The following CNTNAP5 variants were observed in gnomAD, a reference collection of about 807,000 sequenced individuals.
CNTNAP5 encodes contactin associated protein family member 5, also known as contactin-associated protein-like 5.
Under a neutral mutation model 150.2 loss-of-function variants are expected in CNTNAP5, and 72 were observed. That is an observed-to-expected ratio of 0.48 (90% CI 0.40 to 0.58). The LOEUF is 0.58. Ranked by LOEUF, CNTNAP5 falls within the 20% of genes least tolerant of loss-of-function variation. The pLI is 0.00. For synonymous variants in CNTNAP5, 672 were observed against 619.8 expected (o/e 1.08, Z -1.25); for missense variants, 1,636 against 1,626.2 (o/e 1.01, Z -0.10).
chr2:124,568,099 G>A (rs1339810144), intron 11 of CNTNAP5, among the ~76,000 whole-genome samples: 3 of 152,138 alleles, frequency 2.0e-5, no homozygotes, highest in African/African-American at 4.8e-5. Flanking sequence ...CTTCAAACAA[G>A]CAAGGCATTT....
chr2:124,625,737 T>C (rs117670224), intron 12 of CNTNAP5, among the ~76,000 whole-genome samples: 1 of 152,284 alleles, frequency 6.6e-6, no homozygotes, highest in East Asian at 1.9e-4. Flanking sequence ...CATCAGGGGA[T>C]TGGGAGACAG....
In CNTNAP5 at chr2:124,914,094, G is replaced by T. The variant is rs779885863; in HGVS notation, c.3730G>T (p.Val1244Leu). The T allele has an allele frequency of 3.1e-6, 5 of 1,609,390 alleles. No homozygotes were observed. Among genetic ancestry groups the T allele is most frequent in the African/African-American group, 1.3e-5 (1 of 74,672 alleles). ...VRSDSAVIGGVIAVVIFIIFC... is the reference protein window; with the variant it reads ...VRSDSAVIGGLIAVVIFIIFC... The stretch of plus-strand genomic sequence containing the variant: ...CTTTCCTTCCCCTTTCTCTCCAGGG[G>T]TGATAGCAGTGGTGATATTCATCAT... The change falls in exon 24 of 24, where the codon GTG (valine) becomes TTG (leucine). Residue 1244 changes from valine (V) to leucine (L), a missense_variant and splice_region_variant. Physicochemically the swap from Val to Leu is conservative, Grantham distance 32. Coordinates refer to ENST00000682447, the MANE Select transcript of CNTNAP5 (RefSeq NM_001367498.1).
At chr2:124,266,990 G>A (rs1158637234) in intron 3 of CNTNAP5, among the ~76,000 whole-genome samples, 1 of 143,046 alleles carries the variant, frequency 7.0e-6, no homozygotes, top group African/African-American at 2.5e-5. Flanking sequence ...TTTTTACAAT[G>A]CTGGGAAGGC....
intron 1 of CNTNAP5, among the ~76,000 whole-genome samples, chr2:124,076,358 G>T (rs1235492987): frequency 6.6e-6 from 1 of 152,112 alleles, no homozygotes; most frequent in African/African-American, 2.4e-5. Flanking sequence ...TGTTTCTCAA[G>T]AATCAATTTA....
At chr2:124,146,883 T>G (rs549368869) in intron 1 of CNTNAP5, among the ~76,000 whole-genome samples, 1 of 152,198 alleles carries the variant, frequency 6.6e-6, no homozygotes, top group Non-Finnish European at 1.5e-5. Flanking sequence ...TCAGCTTCTC[T>G]TATGGCCAGA....
At chr2:124,388,246 T>C (rs751621605) in intron 3 of CNTNAP5, among the ~76,000 whole-genome samples, 2 of 152,160 alleles carry the variant, frequency 1.3e-5, no homozygotes, top group Non-Finnish European at 2.9e-5. Flanking sequence ...CAAGGTGCTG[T>C]CAGATGGTGG....
At chr2:124,590,647 G>A (rs1363485661) in intron 11 of CNTNAP5, among the ~76,000 whole-genome samples, 3 of 152,216 alleles carry the variant, frequency 2.0e-5, no homozygotes, top group South Asian at 2.1e-4. Context: ...ATTGATGTCC[G>A]TAGGCTGTGC....
intron 13 of CNTNAP5, among the ~76,000 whole-genome samples, chr2:124,668,197 A>G (rs1459805312): frequency 6.6e-6 from 1 of 152,158 alleles, no homozygotes; most frequent in Non-Finnish European, 1.5e-5. Flanking sequence ...TCCATCTGTT[A>G]AAGCATGCTG....
intron 1 of CNTNAP5, among the ~76,000 whole-genome samples, chr2:124,150,444 T>G (rs1358581314): frequency 6.6e-6 from 1 of 152,186 alleles, no homozygotes; most frequent in Non-Finnish European, 1.5e-5. Flanking sequence ...TTAGAGATAT[T>G]GGATAATGGA....
chr2:124,802,111 T>C (rs1010724161), intron 19 of CNTNAP5, among the ~76,000 whole-genome samples: 1 of 152,168 alleles, frequency 6.6e-6, no homozygotes, highest in Non-Finnish European at 1.5e-5. Flanking sequence ...AAATCAAGTA[T>C]CCGCCTCCAG....
intron 3 of CNTNAP5, among the ~76,000 whole-genome samples, chr2:124,276,896 T>TTAAGAGAGGAGAA (rs1687895977): frequency 6.6e-6 from 1 of 152,064 alleles, no homozygotes; most frequent in East Asian, 1.9e-4. Context: ...TTTGGCAGGA[T>TTAAGAGAGGAGAA]TAAGAGAGGA....
At chr2:124,329,769 T>C (rs1689303687) in intron 3 of CNTNAP5, among the ~76,000 whole-genome samples, 1 of 152,194 alleles carries the variant, frequency 6.6e-6, no homozygotes, top group African/African-American at 2.4e-5. Flanking sequence ...CCATTAAAGT[T>C]AAGCCTCTAT....
At chr2:124,512,555 C>T (rs1209902443) in intron 8 of CNTNAP5, among the ~76,000 whole-genome samples, 1 of 152,084 alleles carries the variant, frequency 6.6e-6, no homozygotes, top group African/African-American at 2.4e-5. Flanking sequence ...GAAAAAGTGT[C>T]TATAGTCAAG....
intron 1 of CNTNAP5, among the ~76,000 whole-genome samples, chr2:124,041,317 A>G (rs887669070): frequency 5.3e-5 from 8 of 152,196 alleles, no homozygotes; most frequent in Non-Finnish European, 1.5e-5. Context: ...TTTGTGGTTC[A>G]TCAGGAAATG....
intron 10 of CNTNAP5, among the ~76,000 whole-genome samples, chr2:124,546,376 G>GTA (rs1238061451): frequency 6.6e-6 from 1 of 151,938 alleles, no homozygotes; most frequent in African/African-American, 2.4e-5. Context: ...GTGTGTGTGT[G>GTA]TGTGTGTGCA....
At chr2:124,876,879 C>T (rs554656568) in intron 21 of CNTNAP5, among the ~76,000 whole-genome samples, 2 of 152,090 alleles carry the variant, frequency 1.3e-5, no homozygotes, top group African/African-American at 2.4e-5. Context: ...TCTAATTTGA[C>T]CTTCCGCATC....
At chr2:124,806,915 CTT>C (rs34184441) in intron 19 of CNTNAP5, among the ~76,000 whole-genome samples, 11 of 144,092 alleles carry the variant, frequency 7.6e-5, no homozygotes, top group Admixed American at 1.4e-4. Flanking sequence ...CTTTATTTTA[CTT>C]TTTTTTTTTT....
chr2:124,432,834 C>G (rs914827081), intron 4 of CNTNAP5, among the ~76,000 whole-genome samples: 4 of 152,140 alleles, frequency 2.6e-5, no homozygotes, highest in African/African-American at 9.7e-5. Context: ...AGGTAGAGTG[C>G]CAACCAATAG....
chr2:124,708,730 T>G (rs182399194), intron 13 of CNTNAP5, among the ~76,000 whole-genome samples: 49 of 152,250 alleles, frequency 3.2e-4, no homozygotes, highest in African/African-American at 1.1e-3. Context: ...GACTATGTTT[T>G]TGGTGGCGGT....
Sources: gnomAD v4.1 joint callset for allele counts (sites outside exome capture counted in the v4.1 genomes callset) on GRCh38, gnomAD v4.1.1 for gene constraint, MANE v1.5 for transcripts, NCBI Gene and HGNC (gene_info 2026-07-23, HGNC 2026-07-21) for gene names.